APPL1: variants seen among roughly 807,000 people sequenced by gnomAD.
The protein encoded by APPL1 is adaptor protein, phosphotyrosine interacting with PH domain and leucine zipper 1, also known as DCC-interacting protein 13-alpha.
APPL1 carries 42 observed loss-of-function variants against 106.8 expected under a neutral mutation model. The observed-to-expected ratio is 0.39, with a 90% CI of 0.31 to 0.51. The LOEUF is 0.51. Among genes scored for constraint, APPL1 ranks in the 20% least tolerant of loss-of-function variants. The probability of loss-of-function intolerance (pLI) is 0.75; values close to 1 mark genes in which losing one functional copy is unlikely to be tolerated. For missense variants in APPL1, 769 were observed against 858.2 expected (o/e 0.90, Z 1.30); for synonymous variants, 263 against 281.8 (o/e 0.93, Z 0.67).
chr3:57,242,175 C>G, intron 6 of APPL1, 33 bp downstream of exon 6: 1 of 1,540,298 alleles, frequency 6.5e-7, no homozygotes, highest in South Asian at 1.2e-5. Flanking sequence ...TTATTTCTTG[C>G]AGTGATGTAT....
At chr3:57,249,321 A>G (rs747248118) in intron 10 of APPL1, 39 bp from the exon 11 acceptor site, 4 of 1,605,562 alleles carry the variant, frequency 2.5e-6, no homozygotes, top group Non-Finnish European at 3.4e-6. Context: ...GATTTCAGGT[A>G]TGTTGTTATT....
In APPL1 at chr3:57,241,765, T is replaced by C. The variant is rs886847952; in HGVS notation, c.374-336T>C. ...TTAATGAGATGTTTTGTTTCTCGTT[T>C]AGCATTTGAATATTTAGATTCATAT... On this transcript the variant is annotated intron_variant, in intron 5 of 21. Transcript: ENST00000288266. 5.9e-5 allele frequency among the ~76,000 whole-genome samples: 9 copies of C among 152,366 alleles called. 1 individual carries two copies. The South Asian group carries it at 1.4e-3, about 25-fold the overall frequency.
chr3:57,234,928 T>A (rs1447838843), intron 1 of APPL1, among the ~76,000 whole-genome samples: 1 of 152,186 alleles, frequency 6.6e-6, no homozygotes, highest in Non-Finnish European at 1.5e-5. Flanking sequence ...GTGCTGAGAT[T>A]ACAGGCATGA....
rs780073742 is a variant in APPL1 at position 57,227,984 on chromosome 3, G to T, written c.54+47G>T. ...GCGACGAGGGAGAGCCCAGCTGGCC[G>T]ACCCCAGGTCTGGCGCCTCCGCGGC... On this transcript the variant is annotated intron_variant, in intron 1 of 21. Coordinates refer to ENST00000288266, the MANE Select transcript of APPL1 (RefSeq NM_012096.3). 6.5e-6 allele frequency: 9 copies of T among 1,389,172 alleles called. No individual in the cohort carries two copies. The African/African-American group carries it at 1.3e-4, about 21-fold the overall frequency. 86.1% of individuals were successfully genotyped at this position (1,389,172 alleles called of 1,614,324 possible).
chr3:57,235,656 G>C lies in APPL1; in HGVS notation c.145G>C (p.Asp49His), dbSNP rs775143822. 2 of 1,611,512 alleles carry C rather than the reference G, an allele frequency of 1.2e-6. No individual in the cohort carries two copies. The highest frequency in any genetic ancestry group is 1.1e-5 in the South Asian group (1 of 90,710). ...GTATCAAGCTATGCATCGGATTTATGATGCACAGGTAAAACACTAAGGACT... is the reference window on the plus strand; with the variant it reads ...GTATCAAGCTATGCATCGGATTTATCATGCACAGGTAAAACACTAAGGACT... ...QLYQAMHRIY[D>H]AQNELSAATH... The change falls in exon 2 of 22, where the codon GAT becomes CAT. Residue 49 changes from aspartate to histidine, a missense_variant. Coordinates refer to ENST00000288266, the MANE Select transcript of APPL1 (RefSeq NM_012096.3).
At chr3:57,260,458 TTCAAACCAAA>T (rs1259703518) in intron 18 of APPL1, 160 bp from the exon 19 acceptor site, 2 of 625,722 alleles carry the variant, frequency 3.2e-6, no homozygotes, top group African/African-American at 3.8e-5. Flanking sequence ...TGCTTGTTAA[TTCAAACCAAA>T]TATGACATTA....
At chr3:57,266,519 T>G (rs993800797) in intron 19 of APPL1, among the ~76,000 whole-genome samples, 1 of 152,342 alleles carries the variant, frequency 6.6e-6, no homozygotes, top group African/African-American at 2.4e-5. Context: ...TCCTTTGAAT[T>G]TATGCAGTAT....
At chr3:57,268,713 C>T (rs2060912824) in intron 21 of APPL1, 1 of 302,904 alleles carries the variant, frequency 3.3e-6, no homozygotes, top group Admixed American at 5.1e-5. Flanking sequence ...AAAAATATAC[C>T]AGAACTTTAA....
Position 57,257,348 on chromosome 3 carries a change from C to A in APPL1, c.1350C>A (p.Asp450Glu). The change falls in exon 15 of 22, where the codon GAC (aspartate) becomes GAA (glutamate). Residue 450 changes from aspartate to glutamate, a missense_variant. Physicochemically the swap from Asp to Glu is conservative, Grantham distance 45. Coordinates refer to ENST00000288266, the MANE Select transcript of APPL1 (RefSeq NM_012096.3). ...CTCTAGATTCTCTTGTTGCCCCAGA[C>A]ACCCCAATACAGTTTGACATAATTT... Reference protein sequence around the residue: ...ALSLDSLVAPDTPIQFDIISP... With the variant: ...ALSLDSLVAPETPIQFDIISP... 1 of 1,614,106 alleles carries A rather than the reference C, an allele frequency of 6.2e-7. No individual in the cohort carries two copies. The highest frequency in any genetic ancestry group is 8.5e-7 in the Non-Finnish European group (1 of 1,180,008).
In APPL1 at chr3:57,259,827, C is replaced by A; in HGVS notation, c.1484-18C>A. ...TACAGTAAAAAAAAAATATGTAATA[C>A]ACCTTGTTCTATTATAGATTCTATT... On this transcript the variant is annotated intron_variant, in intron 16 of 21. Coordinates refer to ENST00000288266, the MANE Select transcript of APPL1 (RefSeq NM_012096.3). 6.6e-7 allele frequency: 1 copy of A among 1,521,166 alleles called. No homozygotes were observed. The highest frequency in any genetic ancestry group is 1.3e-5 in the South Asian group (1 of 77,628). The allele number at this position is 1,521,166 out of a possible 1,614,324, so 94.2% of individuals were successfully genotyped here. A position where few individuals can be genotyped will look rare whatever the true frequency, so the allele number is the denominator to read the frequency against.
chr3:57,259,035 A>T lies in APPL1; in HGVS notation c.1438A>T (p.Asn480Tyr), dbSNP rs749191182. Residue 480 changes from asparagine (N) to tyrosine (Y), a missense_variant, in exon 16 of 22, where the codon AAT becomes TAT. Transcript: ENST00000288266. ...KAFGQGGRRT[N>Y]PFGESGGSTK... ...TTCTTCTAAACTTTTTAGGCGTACAAATCCATTTGGAGAATCTGGAGGAAG... is the reference window on the plus strand; with the variant it reads ...TTCTTCTAAACTTTTTAGGCGTACATATCCATTTGGAGAATCTGGAGGAAG... 6.2e-7 allele frequency: 1 copy of T among 1,612,924 alleles called. No homozygotes were observed. Among genetic ancestry groups the T allele is most frequent in the East Asian group, 2.2e-5 (1 of 44,778 alleles).
chr3:57,238,801 A>G (rs1384494286), intron 4 of APPL1, among the ~76,000 whole-genome samples: 1 of 152,216 alleles, frequency 6.6e-6, no homozygotes, highest in Non-Finnish European at 1.5e-5. Flanking sequence ...AAGTACGCAT[A>G]GCATAAAATT....
Position 57,240,547 on chromosome 3 carries a change from T to C in APPL1, c.368T>C (p.Leu123Pro). 1.2e-6 allele frequency: 2 copies of C among 1,612,444 alleles called. No individual in the cohort carries two copies. Among genetic ancestry groups the C allele is most frequent in the Non-Finnish European group, 1.7e-6 (2 of 1,178,498 alleles). ...FPITQFKERD[L>P]KEILTLKEVF... is the part of the protein sequence containing the mutation. ...ATTACCCAGTTTAAAGAAAGAGATC[T>C]GAAAGGTATTGAAGTCAAGCTTATG... is the stretch of plus-strand genomic sequence containing the variant. Residue 123 changes from leucine to proline, a missense_variant, in exon 5 of 22, where the codon CTG (leucine) becomes CCG (proline). Physicochemically the swap from Leu to Pro is moderately conservative, Grantham distance 98. Coordinates refer to ENST00000288266, the MANE Select transcript of APPL1 (RefSeq NM_012096.3).
chr3:57,228,493 C>A lies in APPL1; in HGVS notation c.54+556C>A, dbSNP rs1360731024. ...CCCGCCGAATGTGCCCGTGTCGCGG[C>A]CGTGACTGTGGTCGCTGTCACTCGA... On this transcript the variant is annotated intron_variant, in intron 1 of 21. Transcript: ENST00000288266. The surrounding 1 kb of genome is among the most constrained non-coding windows in gnomAD (Gnocchi z 4.6). Among the ~76,000 whole-genome samples the A allele has an allele frequency of 6.6e-6, 1 of 152,238 alleles. No individual in the cohort carries two copies. The highest frequency in any genetic ancestry group is 2.4e-5 in the African/African-American group (1 of 41,468).
chr3:57,243,753 C>T (rs1437226470), intron 7 of APPL1, among the ~76,000 whole-genome samples: 1 of 152,164 alleles, frequency 6.6e-6, no homozygotes, highest in East Asian at 1.9e-4. Flanking sequence ...CTCTATTAGT[C>T]ACTTGGCCTT....
chr3:57,257,531 T>C, intron 15 of APPL1, 103 bp downstream of exon 15: 1 of 1,016,818 alleles, frequency 9.8e-7, no homozygotes. Flanking sequence ...ATATCAGCTA[T>C]GTTGTACTTT....
rs748047434 is a variant in APPL1 at position 57,240,571 on chromosome 3, T to C, written c.373+19T>C. 14 of 1,593,956 alleles carry C rather than the reference T, an allele frequency of 8.8e-6. No individual in the cohort carries two copies. The highest frequency in any genetic ancestry group is 6.7e-5 in the Admixed American group (4 of 59,944). On this transcript the variant is annotated intron_variant, in intron 5 of 21. Transcript: ENST00000288266. ...CTGAAAGGTATTGAAGTCAAGCTTA[T>C]GTTTACTTTCATTGGCTGTGAGATC...
chr3:57,235,879 G>A (rs1422440726), intron 2 of APPL1, among the ~76,000 whole-genome samples: 2 of 152,110 alleles, frequency 1.3e-5, no homozygotes, highest in South Asian at 2.1e-4. Flanking sequence ...AGTGATAGAC[G>A]ATTGAAGCAT....
At chr3:57,249,941 G>A (rs868455085) in intron 11 of APPL1, among the ~76,000 whole-genome samples, 8 of 148,018 alleles carry the variant, frequency 5.4e-5, no homozygotes, top group Non-Finnish European at 1.2e-4. Flanking sequence ...ACCCCTCTCC[G>A]CTCCATTTTT....
Sources: allele counts gnomAD v4.1 joint callset (sites outside exome capture counted in the v4.1 genomes callset), GRCh38; gene constraint gnomAD v4.1.1; non-coding constraint Gnocchi (gnomAD v3.1); transcripts MANE v1.5; gene names NCBI Gene and HGNC (gene_info 2026-07-23, HGNC 2026-07-21).